CLMN: variants seen among roughly 807,000 people sequenced by gnomAD.
CLMN encodes the protein calmin (calponin-like, transmembrane).
CLMN carries 57 observed loss-of-function variants against 92.7 expected under a neutral mutation model. The observed-to-expected ratio is 0.61, with a 90% CI of 0.50 to 0.77. CLMN has a LOEUF of 0.77. CLMN is among the 30% of genes least tolerant of loss of function. CLMN has a pLI of 0.00. For missense variants in CLMN, 1,158 were observed against 1,237.5 expected, an observed-to-expected ratio of 0.94 and a Z score of 0.96; for synonymous variants, 466 against 470.6, an observed-to-expected ratio of 0.99 and a Z score of 0.13.
intron 9 of CLMN, among the ~76,000 whole-genome samples, chr14:95,198,380 T>A (rs1369028588): frequency 1.3e-5 from 2 of 151,150 alleles, no homozygotes; most frequent in African/African-American, 4.9e-5. Context: ...AGGCAAGGTA[T>A]CAGAGAAATG....
At chr14:95,219,835 A>G (rs1044331285) in intron 4 of CLMN, among the ~76,000 whole-genome samples, 1 of 152,212 alleles carries the variant, frequency 6.6e-6, no homozygotes, top group Non-Finnish European at 1.5e-5. Context: ...TCACGCACTC[A>G]AAGTATAAAA....
At chr14:95,195,107 G>A (rs1310071836) in intron 10 of CLMN, among the ~76,000 whole-genome samples, 2 of 152,170 alleles carry the variant, frequency 1.3e-5, no homozygotes, top group African/African-American at 2.4e-5. Flanking sequence ...ATGGAGCCCC[G>A]CCTGAATCAC....
chr14:95,296,863 T>C (rs895656440), intron 1 of CLMN, among the ~76,000 whole-genome samples: 2 of 152,250 alleles, frequency 1.3e-5, no homozygotes, highest in Non-Finnish European at 2.9e-5. Context: ...CTGTAATTCA[T>C]AGCCAAACCT....
At chr14:95,274,997 A>AAAAAG (rs1899870507) in intron 1 of CLMN, among the ~76,000 whole-genome samples, 1 of 151,314 alleles carries the variant, frequency 6.6e-6, no homozygotes, top group African/African-American at 2.4e-5. Context: ...AAAAAAAAAA[A>AAAAAG]GTCACTCATT....
intron 8 of CLMN, 21 bp downstream of exon 8, chr14:95,209,374 A>G (rs781606632): frequency 1.2e-6 from 2 of 1,610,392 alleles, no homozygotes; most frequent in East Asian, 4.5e-5. Flanking sequence ...TCGGAATTAA[A>G]GGTAAGAAAA....
chr14:95,282,869 T>C (rs1303365070), intron 1 of CLMN, among the ~76,000 whole-genome samples: 1 of 152,214 alleles, frequency 6.6e-6, no homozygotes, highest in Non-Finnish European at 1.5e-5. Context: ...AACTGGAGCC[T>C]GTCAGATGCA....
At chr14:95,196,413 C>T (rs1896713232) in intron 10 of CLMN, 85 bp downstream of exon 10, 1 of 1,334,540 alleles carries the variant, frequency 7.5e-7, no homozygotes, top group Non-Finnish European at 1.0e-6. Flanking sequence ...ATGCCTGCAC[C>T]TCCCACCCCA....
chr14:95,202,585 G>A (rs1336722525), intron 9 of CLMN, among the ~76,000 whole-genome samples: 1 of 152,202 alleles, frequency 6.6e-6, no homozygotes, highest in Non-Finnish European at 1.5e-5. Context: ...GAGCATACCT[G>A]TGAGTAGGGC....
chr14:95,233,388 C>T (rs75294567), intron 1 of CLMN, among the ~76,000 whole-genome samples: 36,786 of 151,914 alleles, frequency 0.24, 4,884 homozygotes, highest in Non-Finnish European at 0.31. Flanking sequence ...TCTATCCAAC[C>T]ATCCATTTAT....
At chr14:95,317,889 C>G (rs1423888180) in intron 1 of CLMN, among the ~76,000 whole-genome samples, 2 of 152,054 alleles carry the variant, frequency 1.3e-5, no homozygotes, top group Non-Finnish European at 2.9e-5. Flanking sequence ...ATGGCAAAGC[C>G]TGTTGATGCT....
At chr14:95,222,141 G>A (rs115263033) in intron 3 of CLMN, among the ~76,000 whole-genome samples, 1,998 of 152,188 alleles carry the variant, frequency 0.013, 52 homozygotes, top group African/African-American at 0.046. Context: ...CCTCCATTAC[G>A]TGTTCCCTTC....
Position 95,205,411 on chromosome 14 carries a change from A to G in CLMN, c.886-948T>C, listed in dbSNP as rs1897019578. On this transcript the variant is annotated intron_variant, in intron 8 of 12. Coordinates refer to ENST00000298912, the MANE Select transcript of CLMN (RefSeq NM_024734.4). ...AATTCACAAGCAAAGGCTCTAGAATAACTAATCTGTGCTACAAGCAATACA... is the reference window on the plus strand; with the variant it reads ...AATTCACAAGCAAAGGCTCTAGAATGACTAATCTGTGCTACAAGCAATACA... Among the ~76,000 whole-genome samples the G allele has an allele frequency of 2.6e-5, 4 of 152,358 alleles. No individual in the cohort carries two copies. The South Asian group carries it at 8.3e-4, about 32-fold the overall frequency.
chr14:95,292,157 A>C (rs1900593200), intron 1 of CLMN, among the ~76,000 whole-genome samples: 1 of 152,074 alleles, frequency 6.6e-6, no homozygotes, highest in South Asian at 2.1e-4. Context: ...CGTCCTTAAC[A>C]CCCTCTACAC....
chr14:95,263,229 T>G (rs1256821913), intron 1 of CLMN, among the ~76,000 whole-genome samples: 1 of 152,188 alleles, frequency 6.6e-6, no homozygotes, highest in Non-Finnish European at 1.5e-5. Context: ...CCTCTTCACG[T>G]GGCAGCAGCA....
intron 1 of CLMN, among the ~76,000 whole-genome samples, chr14:95,311,358 G>A (rs1057340957): frequency 6.6e-6 from 1 of 152,150 alleles, no homozygotes; most frequent in Non-Finnish European, 1.5e-5. Flanking sequence ...GAACCCCCCA[G>A]GAGAGGAAAG....
In CLMN at chr14:95,203,043, G is replaced by A; in HGVS notation, c.2306C>T (p.Ser769Phe). ...EPEGYMPDLD[S>F]REEEADGSQS... ...AGAGCCATCGGCCTCCTCCTCCCTGGAGTCCAGGTCTGGCATATAGCCCTC... is the reference window on the plus strand; with the variant it reads ...AGAGCCATCGGCCTCCTCCTCCCTGAAGTCCAGGTCTGGCATATAGCCCTC... Residue 769 changes from serine (S) to phenylalanine (F), a missense_variant, in exon 9 of 13, where the codon TCC becomes TTC. Physicochemically the swap from Ser to Phe is radical, Grantham distance 155 (BLOSUM62 -2). Transcript: ENST00000298912. The A allele has an allele frequency of 6.2e-7, 1 of 1,614,100 alleles. No homozygotes were observed. Among genetic ancestry groups the A allele is most frequent in the Admixed American group, 1.7e-5 (1 of 60,022 alleles).
intron 8 of CLMN, among the ~76,000 whole-genome samples, chr14:95,205,307 G>A (rs1362791394): frequency 6.6e-6 from 1 of 152,138 alleles, no homozygotes. Context: ...TACAAGACAT[G>A]AAGAGGCAGG....
intron 3 of CLMN, among the ~76,000 whole-genome samples, chr14:95,222,068 T>G (rs1384756992): frequency 6.6e-6 from 1 of 152,086 alleles, no homozygotes; most frequent in Non-Finnish European, 1.5e-5. Context: ...AGGGACAAAT[T>G]TGTCAATTTT....
intron 9 of CLMN, among the ~76,000 whole-genome samples, chr14:95,200,575 C>T (rs530622290): frequency 6.6e-6 from 1 of 152,136 alleles, no homozygotes; most frequent in African/African-American, 2.4e-5. Context: ...CGTAGCAGGA[C>T]GCAGCACTTA....
Sources: gnomAD v4.1 joint callset for allele counts (sites outside exome capture counted in the v4.1 genomes callset) on GRCh38, gnomAD v4.1.1 for gene constraint, MANE v1.5 for transcripts, NCBI Gene and HGNC (gene_info 2026-07-23, HGNC 2026-07-21) for gene names.